LUZP1: variants seen among roughly 807,000 people sequenced by gnomAD.
LUZP1 encodes the protein leucine zipper protein 1.
Under a neutral mutation model 71.3 loss-of-function variants are expected in LUZP1, and 25 were observed. That is an observed-to-expected ratio of 0.35 (90% CI 0.26 to 0.49). The LOEUF (loss-of-function observed/expected upper bound fraction) is 0.49, where lower values mean the gene tolerates loss of function less well. Ranked by LOEUF, LUZP1 falls within the 20% of genes least tolerant of loss-of-function variation. The probability of loss-of-function intolerance (pLI) is 0.99; values close to 1 mark genes in which losing one functional copy is unlikely to be tolerated. For synonymous variants in LUZP1, 481 were observed against 506.4 expected (o/e 0.95, Z 0.67); for missense variants, 1,142 against 1,300.8 (o/e 0.88, Z 1.88).
At chr1:23,139,982 T>C (rs905565263) in intron 2 of LUZP1, among the ~76,000 whole-genome samples, 1 of 151,778 alleles carries the variant, frequency 6.6e-6, no homozygotes, top group African/African-American at 2.4e-5. Flanking sequence ...TAACTGTTTA[T>C]GTTATTGGTC....
intron 3 of LUZP1, among the ~76,000 whole-genome samples, chr1:23,108,526 G>C (rs1302390878): frequency 1.3e-5 from 2 of 152,154 alleles, no homozygotes; most frequent in African/African-American, 4.8e-5. Flanking sequence ...CCTGAGCCCA[G>C]GAAGTCAAGG....
At chr1:23,108,433 C>A (rs531625390) in intron 3 of LUZP1, among the ~76,000 whole-genome samples, 1 of 138,188 alleles carries the variant, frequency 7.2e-6, no homozygotes, top group East Asian at 2.1e-4. Context: ...ATACAGAGAC[C>A]CAGTCTCTAC....
intron 2 of LUZP1, chr1:23,109,508 A>C (rs1644011221): frequency 6.6e-6 from 1 of 152,282 alleles, no homozygotes; most frequent in Admixed American, 6.5e-5. Flanking sequence ...CTGATCTGAA[A>C]ATCCCAAATT....
intron 1 of LUZP1, among the ~76,000 whole-genome samples, chr1:23,174,868 A>T (rs556871120): frequency 6.6e-6 from 1 of 152,164 alleles, no homozygotes; most frequent in Non-Finnish European, 1.5e-5. Context: ...AAATGGCATG[A>T]TTTTAAGTTC....
At chr1:23,167,803 C>T (rs1644521823) in intron 2 of LUZP1, among the ~76,000 whole-genome samples, 1 of 152,134 alleles carries the variant, frequency 6.6e-6, no homozygotes, top group Non-Finnish European at 1.5e-5. Flanking sequence ...TGCAGGCAGG[C>T]TCCGCAGCCA....
chr1:23,104,515 T>C (rs1290116118), intron 3 of LUZP1, among the ~76,000 whole-genome samples: 2 of 152,084 alleles, frequency 1.3e-5, no homozygotes, highest in African/African-American at 4.8e-5. Flanking sequence ...GCATCTGTTC[T>C]CTGAGGCCTT....
chr1:23,087,685 C>T (rs148923644), exon 5 of LUZP1: 22 of 152,722 alleles, frequency 1.4e-4, no homozygotes, highest in African/African-American at 5.1e-4. Context: ...TTTCAACTTC[C>T]CCATGTGACT....
At chr1:23,136,232 C>T (rs1007795661) in intron 2 of LUZP1, among the ~76,000 whole-genome samples, 3 of 151,552 alleles carry the variant, frequency 2.0e-5, no homozygotes, top group Non-Finnish European at 2.9e-5. Context: ...CAGGGCCAGG[C>T]GCAGTGGCTC....
chr1:23,084,612 T>TGTTA (rs1643732085), exon 5 of LUZP1: 1 of 152,204 alleles, frequency 6.6e-6, no homozygotes, highest in Admixed American at 6.5e-5. Context: ...TGATAAACAC[T>TGTTA]GTTACTGCAA....
At chr1:23,131,664 C>CTATT (rs1166797966) in intron 2 of LUZP1, among the ~76,000 whole-genome samples, 4 of 151,570 alleles carry the variant, frequency 2.6e-5, no homozygotes, top group Non-Finnish European at 5.9e-5. Flanking sequence ...TTTCCTGCTC[C>CTATT]TATTTATTCA....
chr1:23,125,120 A>G (rs74062868), intron 2 of LUZP1, among the ~76,000 whole-genome samples: 2 of 152,332 alleles, frequency 1.3e-5, no homozygotes, highest in African/African-American at 4.8e-5. Flanking sequence ...CCTGTCCTCA[A>G]TAGCCCTCCC....
chr1:23,158,056 A>G (rs1167276934), intron 2 of LUZP1, among the ~76,000 whole-genome samples: 6 of 152,146 alleles, frequency 3.9e-5, no homozygotes, highest in Non-Finnish European at 8.8e-5. Context: ...TGCCCCAGAG[A>G]TGACTATGAA....
At chr1:23,159,969 AG>A (rs1209150288) in intron 2 of LUZP1, among the ~76,000 whole-genome samples, 1 of 152,210 alleles carries the variant, frequency 6.6e-6, no homozygotes, top group Non-Finnish European at 1.5e-5. Context: ...ATGGGCAACA[AG>A]GGTAAAATTC....
intron 3 of LUZP1, among the ~76,000 whole-genome samples, chr1:23,099,898 G>C: frequency 6.6e-6 from 1 of 152,064 alleles, no homozygotes; most frequent in East Asian, 1.9e-4. Flanking sequence ...ATGTGGCCCC[G>C]CCAGCCTCTT....
rs1273268516 is a variant in LUZP1 at position 23,100,938 on chromosome 1, A to ATTTT, written c.-119-6559_-119-6558insAAAA. ...TGTGCTTTTTCCAGCAGTTTAGCAA[A>ATTTT]AGTCAAGGACTTCAGTCTCCTGACT... On this transcript the variant is annotated intron_variant, in intron 3 of 4. Transcript: ENST00000302291. Among the ~76,000 whole-genome samples, 5 of 152,288 alleles carry ATTTT rather than the reference A, an allele frequency of 3.3e-5. No homozygotes were observed. In the East Asian group the frequency reaches 9.6e-4, roughly 29 times the overall value.
At chr1:23,134,628 A>T (rs928316331) in intron 2 of LUZP1, among the ~76,000 whole-genome samples, 2 of 152,148 alleles carry the variant, frequency 1.3e-5, no homozygotes, top group Admixed American at 6.5e-5. Flanking sequence ...AAAAATTTTT[A>T]AAATTAGCCT....
At chr1:23,177,956 G>C (rs1055598474), upstream of LUZP1, 2 of 152,358 alleles carry the variant, frequency 1.3e-5, no homozygotes, top group African/African-American at 4.8e-5. Flanking sequence ...AGGACCGGCC[G>C]GGGGATGGGA....
At chr1:23,117,468 T>C in intron 2 of LUZP1, among the ~76,000 whole-genome samples, 1 of 35,222 alleles carries the variant, frequency 2.8e-5, no homozygotes, top group African/African-American at 1.9e-4. Flanking sequence ...TCTCTCTCTC[T>C]CTCTCTCTCC....
At chr1:23,158,462 A>G (rs1308978879) in intron 2 of LUZP1, among the ~76,000 whole-genome samples, 4 of 151,964 alleles carry the variant, frequency 2.6e-5, no homozygotes, top group Non-Finnish European at 4.4e-5. Flanking sequence ...CAGCCTGGCC[A>G]ACATGGCAAA....
Sources: allele counts gnomAD v4.1 joint callset (sites outside exome capture counted in the v4.1 genomes callset), GRCh38; gene constraint gnomAD v4.1.1; transcripts MANE v1.5; gene names NCBI Gene and HGNC (gene_info 2026-07-23, HGNC 2026-07-21).